Variants in KIT observed in about 807,000 individuals in gnomAD.
KIT encodes mast/stem cell growth factor receptor Kit.
KIT carries 16 observed loss-of-function variants against 105.7 expected under a neutral mutation model. That is an observed-to-expected ratio of 0.15 (90% CI 0.10 to 0.23). The LOEUF (loss-of-function observed/expected upper bound fraction) is 0.23. Among genes scored for constraint, KIT ranks in the 10% least tolerant of loss-of-function variants. The pLI is 1.00. For synonymous variants in KIT, 438 were observed against 441.1 expected (o/e 0.99, Z 0.09); for missense variants, 858 against 1,213.8 (o/e 0.71, Z 4.36).
intron 1 of KIT, among the ~76,000 whole-genome samples, chr4:54,664,115 A>T (rs1717502624): frequency 6.6e-6 from 1 of 152,214 alleles, no homozygotes; most frequent in South Asian, 2.1e-4. Context: ...AAGAGCATCC[A>T]CATAGGAGAT....
At chr4:54,688,256 T>A (rs1196867710) in intron 1 of KIT, among the ~76,000 whole-genome samples, 1 of 152,232 alleles carries the variant, frequency 6.6e-6, no homozygotes, top group Admixed American at 6.5e-5. Flanking sequence ...TCATCCAGTT[T>A]ATTCCTATGG....
At position 54,727,979 on chromosome 4, in the gene KIT, C is replaced by T. The variant is rs771214101; in HGVS notation, c.1880-32C>T. ...GCTTGACATCAGTTTGCCAGTTGTG[C>T]TTTTTGCTAAAATGCATGTTTCCAA... is the stretch of plus-strand genomic sequence containing the variant. On this transcript the variant is annotated intron_variant, in intron 12 of 20. Transcript: ENST00000288135. 6 of 1,612,912 alleles carry T rather than the reference C, an allele frequency of 3.7e-6. 1 individual carries two copies. The highest frequency in any genetic ancestry group is 1.7e-6 in the Non-Finnish European group (2 of 1,178,914).
intron 1 of KIT, among the ~76,000 whole-genome samples, chr4:54,674,528 T>C (rs1263588674): frequency 6.6e-6 from 1 of 152,170 alleles, no homozygotes. Context: ...ATAATTATGC[T>C]GCCACCACCA....
chr4:54,734,554 G>A (rs1002207683), intron 17 of KIT, among the ~76,000 whole-genome samples: 1 of 152,176 alleles, frequency 6.6e-6, no homozygotes, highest in Admixed American at 6.5e-5. Flanking sequence ...GGCTCTATCA[G>A]GCTTCCAGAT....
chr4:54,727,405 T>C lies in KIT; in HGVS notation c.1648-11T>C, dbSNP rs2109775341. 6.2e-7 allele frequency: 1 copy of C among 1,614,154 alleles called. No homozygotes were observed. The highest frequency in any genetic ancestry group is 8.5e-7 in the Non-Finnish European group (1 of 1,180,020). ...TTAAAAGGTGATCTATTTTTCCCTTTCTCCCCACAGAAACCCATGTATGAA... is the reference window on the plus strand; with the variant it reads ...TTAAAAGGTGATCTATTTTTCCCTTCCTCCCCACAGAAACCCATGTATGAA... On this transcript the variant is annotated splice_polypyrimidine_tract_variant and intron_variant, in intron 10 of 20. Coordinates refer to ENST00000288135, the MANE Select transcript of KIT (RefSeq NM_000222.3).
chr4:54,736,677 C>T (rs2109812136), intron 18 of KIT, 44 bp from the exon 19 acceptor site: 1 of 1,601,426 alleles, frequency 6.2e-7, no homozygotes, highest in Non-Finnish European at 8.6e-7. Flanking sequence ...TCATTGGTGT[C>T]CTGCTTCCTT....
intron 1 of KIT, among the ~76,000 whole-genome samples, chr4:54,671,142 T>G (rs1718081087): frequency 6.6e-6 from 1 of 152,126 alleles, no homozygotes; most frequent in Non-Finnish European, 1.5e-5. Flanking sequence ...CGTTTTCACT[T>G]TAGAGTGGCC....
At chr4:54,704,755 T>A (rs1720677345) in intron 5 of KIT, among the ~76,000 whole-genome samples, 1 of 152,208 alleles carries the variant, frequency 6.6e-6, no homozygotes, top group African/African-American at 2.4e-5. Context: ...ATTCCTAGTG[T>A]TAGACTTTCA....
chr4:54,701,449 G>A (rs1720446689), intron 4 of KIT, among the ~76,000 whole-genome samples: 1 of 152,190 alleles, frequency 6.6e-6, no homozygotes, highest in Non-Finnish European at 1.5e-5. Context: ...AGGGTAAAAT[G>A]ACTTTTTAGC....
intron 17 of KIT, 40 bp from the exon 18 acceptor site, chr4:54,736,458 C>T (rs2109810566): frequency 7.1e-7 from 1 of 1,410,480 alleles, no homozygotes. Context: ...TGTTGAGCTT[C>T]TGAATTAACA....
Position 54,698,473 on chromosome 4 carries a change from A to G in KIT, c.527A>G (p.Lys176Arg), listed in dbSNP as rs2109673896. Residue 176 changes from lysine (K) to arginine (R), a missense_variant, in exon 3 of 21, where the codon AAA (lysine) becomes AGA (arginine). By Grantham distance (26) the Lys-to-Arg change is conservative. Coordinates refer to ENST00000288135, the MANE Select transcript of KIT (RefSeq NM_000222.3). ...GCGGGCATCATGATCAAAAGTGTGA[A>G]ACGCGCCTACCATCGGCTCTGTCTG... ...PKAGIMIKSV[K>R]RAYHRLCLHC... The G allele has an allele frequency of 6.2e-7, 1 of 1,614,160 alleles. No individual in the cohort carries two copies. Among genetic ancestry groups the G allele is most frequent in the Non-Finnish European group, 8.5e-7 (1 of 1,180,028 alleles).
intron 4 of KIT, among the ~76,000 whole-genome samples, chr4:54,700,247 T>A (rs1180363879): frequency 6.6e-6 from 1 of 152,244 alleles, no homozygotes; most frequent in Non-Finnish European, 1.5e-5. Context: ...AAGATGGGTT[T>A]CTTTTTGTAA....
At chr4:54,702,060 A>G (rs753895898) in intron 4 of KIT, among the ~76,000 whole-genome samples, 3 of 152,196 alleles carry the variant, frequency 2.0e-5, no homozygotes, top group Non-Finnish European at 2.9e-5. Context: ...ACGATTAGTT[A>G]ACAGCAAAGC....
chr4:54,722,413 A>C (rs973726986), intron 7 of KIT, among the ~76,000 whole-genome samples: 1 of 152,178 alleles, frequency 6.6e-6, no homozygotes, highest in African/African-American at 2.4e-5. Flanking sequence ...CATTTTACAC[A>C]TGAGGGAACA....
In KIT at chr4:54,729,556, G is replaced by C. The variant is rs533206847; in HGVS notation, c.2141+71G>C. ...TGGGGTCATAAGGGTTTGCAATCAA[G>C]GCTGATTCTTTAAAAAATGAACTGA... is the stretch of plus-strand genomic sequence containing the variant. On this transcript the variant is annotated intron_variant, in intron 14 of 20. Coordinates refer to ENST00000288135, the MANE Select transcript of KIT (RefSeq NM_000222.3). 6.8e-6 allele frequency: 10 copies of C among 1,481,456 alleles called. No homozygotes were observed. In the African/African-American group the frequency reaches 1.3e-4, roughly 19 times the overall value. The allele number at this position is 1,481,456 out of a possible 1,614,324, so 91.8% of individuals were successfully genotyped here. A position where few individuals can be genotyped will look rare whatever the true frequency, so the allele number is the denominator to read the frequency against.
At chr4:54,658,842 C>T (rs1388826110) in intron 1 of KIT, among the ~76,000 whole-genome samples, 1 of 152,172 alleles carries the variant, frequency 6.6e-6, no homozygotes, top group African/African-American at 2.4e-5. Flanking sequence ...AGACTTTTTG[C>T]TTTCGTACAT....
chr4:54,682,833 C>T (rs1719044312), intron 1 of KIT, among the ~76,000 whole-genome samples: 1 of 151,354 alleles, frequency 6.6e-6, no homozygotes, highest in Non-Finnish European at 1.5e-5. Context: ...CTCACTGCAA[C>T]CTCTGCCTCC....
At chr4:54,722,857 ATATATATG>A (rs1237642383) in intron 7 of KIT, among the ~76,000 whole-genome samples, 16 of 134,702 alleles carry the variant, frequency 1.2e-4, no homozygotes, top group African/African-American at 4.9e-4. Context: ...ATATATTTTT[ATATATATG>A]TATATATATT....
intron 17 of KIT, 182 bp downstream of exon 17, chr4:54,733,374 C>T: frequency 1.7e-6 from 1 of 585,168 alleles, no homozygotes. Context: ...CTACAACTAA[C>T]ATTCAATAAT....
Sources: gnomAD v4.1 joint callset for allele counts (sites outside exome capture counted in the v4.1 genomes callset) on GRCh38, gnomAD v4.1.1 for gene constraint, MANE v1.5 for transcripts, NCBI Gene and HGNC (gene_info 2026-07-23, HGNC 2026-07-21) for gene names.